KANSL3: variants seen among roughly 807,000 people sequenced by gnomAD.
KANSL3 encodes the protein NSL complex protein NSL3.
A neutral mutation model predicts 89.2 loss-of-function variants in KANSL3; 16 were observed. That is an observed-to-expected ratio of 0.18 (90% CI 0.12 to 0.27). KANSL3 has a LOEUF of 0.27. KANSL3 is among the 10% of genes least tolerant of loss of function. The pLI is 1.00. For synonymous variants in KANSL3, 385 were observed against 419.7 expected (o/e 0.92, Z 1.01); for missense variants, 879 against 1,110.6 (o/e 0.79, Z 2.96).
chr2:96,631,232 G>A (rs1191320747), intron 3 of KANSL3, 80 bp downstream of exon 3: 1 of 998,286 alleles, frequency 1.0e-6, no homozygotes, highest in Middle Eastern at 2.9e-4. Context: ...AATGAAATAA[G>A]GTCCTAATAA....
At chr2:96,606,086 T>G (rs543951170) in intron 14 of KANSL3, 1 of 152,326 alleles carries the variant, frequency 6.6e-6, no homozygotes, top group East Asian at 1.9e-4. Flanking sequence ...ACTTGCCAAA[T>G]GGAGGCAATG....
Position 96,594,554 on chromosome 2 carries a change from G to A in KANSL3, c.*1057C>T, listed in dbSNP as rs2066404155. ...CTCATGAAATAGAAACGAAAACACT[G>A]AAGCATGGCCTTCATCGTCCTAATG... On this transcript the variant is annotated 3_prime_UTR_variant, in exon 21 of 21. Coordinates refer to ENST00000431828, the MANE Select transcript of KANSL3 (RefSeq NM_001115016.3). 6.6e-6 allele frequency: 1 copy of A among 152,150 alleles called. No individual in the cohort carries two copies. The highest frequency in any genetic ancestry group is 6.5e-5 in the Admixed American group (1 of 15,282). 9.4% of individuals were successfully genotyped at this position (152,150 alleles called of 1,614,324 possible).
chr2:96,622,474 G>T lies in KANSL3; in HGVS notation c.387-2712C>A, dbSNP rs554976655. Among the ~76,000 whole-genome samples, 302 of 152,176 alleles carry T rather than the reference G, an allele frequency of 2.0e-3. 2 individuals carry two copies. The highest frequency in any genetic ancestry group is 7.0e-3 in the African/African-American group (292 of 41,514). On this transcript the variant is annotated intron_variant, in intron 3 of 20. Coordinates refer to ENST00000431828, the MANE Select transcript of KANSL3 (RefSeq NM_001115016.3). ...GTATTATTTTTCACCTATCAAATGG[G>T]TAAAAATTAAGAATTTAATAATTCT... is the stretch of plus-strand genomic sequence containing the variant.
intron 3 of KANSL3, among the ~76,000 whole-genome samples, chr2:96,630,194 CTT>C (rs1413547448): frequency 6.6e-6 from 1 of 152,196 alleles, no homozygotes; most frequent in African/African-American, 2.4e-5. Context: ...GAATTAAAAA[CTT>C]AGATCCACAC....
At chr2:96,599,289 AAGAG>A (rs1264005643) in intron 20 of KANSL3, among the ~76,000 whole-genome samples, 1 of 152,332 alleles carries the variant, frequency 6.6e-6, no homozygotes, top group Non-Finnish European at 1.5e-5. Context: ...AGAAAACACA[AAGAG>A]AGAGTTTCAA....
At chr2:96,623,665 C>A (rs942809381) in intron 3 of KANSL3, among the ~76,000 whole-genome samples, 3 of 152,146 alleles carry the variant, frequency 2.0e-5, no homozygotes, top group African/African-American at 7.2e-5. Context: ...AGAACCCTAC[C>A]TAGGGACAAG....
the KANSL3 span, among the ~76,000 whole-genome samples, chr2:96,581,799 T>C: frequency 2.0e-5 from 3 of 152,326 alleles, no homozygotes; most frequent in African/African-American, 7.2e-5. Flanking sequence ...TTTAACATTA[T>C]AAAAAATTTC....
At chr2:96,600,786 G>A in intron 20 of KANSL3, 2 of 985,438 alleles carry the variant, frequency 2.0e-6, no homozygotes, top group Non-Finnish European at 2.4e-6. Flanking sequence ...AACTAATCAT[G>A]ACTTCCTGGG....
intron 3 of KANSL3, among the ~76,000 whole-genome samples, chr2:96,620,870 T>C (rs952169278): frequency 1.3e-5 from 2 of 151,768 alleles, no homozygotes; most frequent in African/African-American, 4.8e-5. Flanking sequence ...GGCATGGTGG[T>C]GCGTGCCTGT....
At chr2:96,583,784 A>G in the KANSL3 span, among the ~76,000 whole-genome samples, 1 of 152,220 alleles carries the variant, frequency 6.6e-6, no homozygotes, top group Non-Finnish European at 1.5e-5. Context: ...TACGTAGGAG[A>G]GGAATTGCTC....
At chr2:96,602,472 AT>A (rs2067323364) in intron 18 of KANSL3, 134 bp from the exon 19 acceptor site, 1 of 688,276 alleles carries the variant, frequency 1.5e-6, no homozygotes, top group South Asian at 1.7e-5. Flanking sequence ...TCTTCCAGGC[AT>A]TTTGCATATA....
At chr2:96,627,283 C>T (rs1008283763) in intron 3 of KANSL3, among the ~76,000 whole-genome samples, 1 of 151,780 alleles carries the variant, frequency 6.6e-6, no homozygotes, top group Non-Finnish European at 1.5e-5. Context: ...GGCACGATCT[C>T]GGCTCACTGC....
At position 96,593,417 on chromosome 2, in the gene KANSL3, G is replaced by T; in HGVS notation, c.*2194C>A. The T allele has an allele frequency of 2.4e-6, 1 of 422,296 alleles. No homozygotes were observed. The highest frequency in any genetic ancestry group is 1.7e-5 in the South Asian group (1 of 60,452). The allele number at this position is 422,296 out of a possible 1,614,324, so 26.2% of individuals were successfully genotyped here. On this transcript the variant is annotated 3_prime_UTR_variant, in exon 21 of 21. Coordinates refer to ENST00000431828, the MANE Select transcript of KANSL3 (RefSeq NM_001115016.3). ...TCTATCAATAATATTGCCTTCTGAG[G>T]TTATGGATTCCAGGTCTTCTATGAA...
At chr2:96,604,061 C>T in intron 17 of KANSL3, 189 bp downstream of exon 17, 1 of 534,236 alleles carries the variant, frequency 1.9e-6, no homozygotes, top group Non-Finnish European at 3.2e-6. Context: ...TTACTCACTG[C>T]ATTTATTCAA....
intron 2 of KANSL3, among the ~76,000 whole-genome samples, chr2:96,636,544 G>A (rs998529187): frequency 2.0e-5 from 3 of 152,220 alleles, no homozygotes; most frequent in Non-Finnish European, 4.4e-5. Flanking sequence ...CCACTGTCAA[G>A]CAACCCAGAG....
At chr2:96,609,268 G>T (rs1380592168) in intron 12 of KANSL3, among the ~76,000 whole-genome samples, 1 of 152,172 alleles carries the variant, frequency 6.6e-6, no homozygotes, top group Non-Finnish European at 1.5e-5. Flanking sequence ...CCTCTGTCAG[G>T]GGGAGCTCTG....
intron 15 of KANSL3, 71 bp from the exon 16 acceptor site, chr2:96,604,934 T>C: frequency 7.9e-7 from 1 of 1,262,442 alleles, no homozygotes; most frequent in Admixed American, 2.3e-5. Context: ...TTCCACAGCT[T>C]AGGCTAAATG....
At position 96,612,348 on chromosome 2, in the gene KANSL3, G is replaced by A. The variant is rs756973640; in HGVS notation, c.1020C>T (p.His340=). The A allele has an allele frequency of 5.0e-6, 8 of 1,613,624 alleles. No homozygotes were observed. Among genetic ancestry groups the A allele is most frequent in the South Asian group, 1.1e-5 (1 of 91,082 alleles). Residue 340 remains histidine, a synonymous_variant, in exon 9 of 21, where the codon CAC becomes CAT. Transcript: ENST00000431828. ...GAVRSKVLEI[H]SHFPHKPIIL... is the part of the protein sequence containing the mutation. Reference sequence around the variant, plus strand: ...TAATGGGTTTGTGTGGGAAATGGCTGTGAATCTTCATGGGAAGAGAAAGAA... The same window carrying A: ...TAATGGGTTTGTGTGGGAAATGGCTATGAATCTTCATGGGAAGAGAAAGAA...
chr2:96,596,454 C>T (rs975286437), intron 20 of KANSL3, among the ~76,000 whole-genome samples: 2 of 152,238 alleles, frequency 1.3e-5, no homozygotes, highest in Admixed American at 1.3e-4. Flanking sequence ...CTCGGGAGGC[C>T]GAGGCCACAG....
Sources: allele counts gnomAD v4.1 joint callset (sites outside exome capture counted in the v4.1 genomes callset), GRCh38; gene constraint gnomAD v4.1.1; transcripts MANE v1.5; gene names NCBI Gene and HGNC (gene_info 2026-07-23, HGNC 2026-07-21).